Variants in CPA6 observed in about 807,000 individuals in gnomAD.
CPA6 encodes the protein carboxypeptidase A6, also known as carboxypeptidase B.
A neutral mutation model predicts 63.3 loss-of-function variants in CPA6; 58 were observed. The observed-to-expected ratio is 0.92, with a 90% CI of 0.74 to 1.14. The LOEUF is 1.14. CPA6 is among the 50% of genes most tolerant of loss of function. The pLI is 0.00. For synonymous variants in CPA6, 185 were observed against 179.0 expected, an observed-to-expected ratio of 1.03 and a Z score of -0.27; for missense variants, 565 against 526.6, an observed-to-expected ratio of 1.07 and a Z score of -0.71.
chr8:67,565,080 G>A (rs1339861987), intron 2 of CPA6, among the ~76,000 whole-genome samples: 4 of 152,238 alleles, frequency 2.6e-5, no homozygotes, highest in Admixed American at 2.0e-4. Context: ...AGCATGACCC[G>A]AAAACAAATA....
intron 1 of CPA6, among the ~76,000 whole-genome samples, chr8:67,630,709 G>C (rs1815305517): frequency 6.6e-6 from 1 of 152,230 alleles, no homozygotes; most frequent in South Asian, 2.1e-4. Context: ...CCCTCTGCTT[G>C]AGGGGATGTG....
At chr8:67,592,715 A>T (rs200157034) in intron 2 of CPA6, among the ~76,000 whole-genome samples, 87 of 152,080 alleles carry the variant, frequency 5.7e-4, no homozygotes, top group African/African-American at 1.7e-3. Flanking sequence ...TTTGTATTTC[A>T]GTGGGATTGG....
At chr8:67,516,444 AC>A (rs1812146326) in intron 3 of CPA6, among the ~76,000 whole-genome samples, 1 of 151,994 alleles carries the variant, frequency 6.6e-6, no homozygotes, top group Admixed American at 6.6e-5. Flanking sequence ...CTACAAATAC[AC>A]CAAGATTTCC....
At chr8:67,617,145 G>A (rs901928380) in intron 2 of CPA6, among the ~76,000 whole-genome samples, 3 of 152,212 alleles carry the variant, frequency 2.0e-5, no homozygotes, top group African/African-American at 7.2e-5. Flanking sequence ...TGTCAATTCA[G>A]TTGAGTAAAT....
intron 1 of CPA6, among the ~76,000 whole-genome samples, chr8:67,668,951 G>T (rs1468351141): frequency 1.3e-5 from 2 of 152,184 alleles, no homozygotes; most frequent in Non-Finnish European, 2.9e-5. Context: ...ATGCTCGCCT[G>T]CAGGTAGCTA....
chr8:67,593,345 A>G (rs1322860937), intron 2 of CPA6, among the ~76,000 whole-genome samples: 2 of 151,748 alleles, frequency 1.3e-5, no homozygotes, highest in African/African-American at 4.8e-5. Context: ...GTGGTGCTGA[A>G]AAAAATGTAT....
At chr8:67,583,942 G>T (rs1304081959) in intron 2 of CPA6, among the ~76,000 whole-genome samples, 1 of 152,046 alleles carries the variant, frequency 6.6e-6, no homozygotes, top group Non-Finnish European at 1.5e-5. Flanking sequence ...AGGATCATGA[G>T]GTCAGGAGAT....
intron 2 of CPA6, among the ~76,000 whole-genome samples, chr8:67,525,700 C>T (rs1812345934): frequency 6.6e-6 from 1 of 152,170 alleles, no homozygotes; most frequent in Non-Finnish European, 1.5e-5. Flanking sequence ...CATCACCAAC[C>T]TGAAATGATT....
chr8:67,622,992 G>C lies in CPA6; in HGVS notation c.192+1184C>G, dbSNP rs559856593. 1.2e-4 allele frequency among the ~76,000 whole-genome samples: 18 copies of C among 152,348 alleles called. No individual in the cohort carries two copies. In the South Asian group the frequency reaches 3.7e-3, roughly 32 times the overall value. Reference sequence around the variant, plus strand: ...AATTGTATGCACTGATGGAGTTACAGAAATGCTCTAACTCTAAAATCCATA... The same window carrying C: ...AATTGTATGCACTGATGGAGTTACACAAATGCTCTAACTCTAAAATCCATA... On this transcript the variant is annotated intron_variant, in intron 2 of 10. Transcript: ENST00000297770.
intron 2 of CPA6, among the ~76,000 whole-genome samples, chr8:67,550,228 T>C (rs531853625): frequency 2.2e-4 from 34 of 152,266 alleles, no homozygotes; most frequent in African/African-American, 7.0e-4. Flanking sequence ...CCAGTGTCCA[T>C]TGTTGTCATC....
intron 8 of CPA6, among the ~76,000 whole-genome samples, chr8:67,464,190 A>T (rs1563962876): frequency 6.6e-6 from 1 of 151,958 alleles, no homozygotes; most frequent in Non-Finnish European, 1.5e-5. Flanking sequence ...TTTTATTATT[A>T]TTTTTTAATA....
chr8:67,502,052 A>T (rs1811839449), intron 6 of CPA6, among the ~76,000 whole-genome samples: 1 of 152,092 alleles, frequency 6.6e-6, no homozygotes, highest in Admixed American at 6.6e-5. Context: ...TCCCTTATTA[A>T]CCTTTTTTAT....
intron 2 of CPA6, among the ~76,000 whole-genome samples, chr8:67,538,766 T>C (rs1487041179): frequency 6.6e-6 from 1 of 152,022 alleles, no homozygotes; most frequent in Non-Finnish European, 1.5e-5. Flanking sequence ...TTCATGCCAT[T>C]CTCCTGCCTC....
At chr8:67,596,927 A>G (rs1356843418) in intron 2 of CPA6, among the ~76,000 whole-genome samples, 1 of 152,184 alleles carries the variant, frequency 6.6e-6, no homozygotes, top group Non-Finnish European at 1.5e-5. Context: ...TGGCAGGAAT[A>G]TTACAAAGTG....
chr8:67,509,560 G>C lies in CPA6; in HGVS notation c.491C>G (p.Ser164Cys), dbSNP rs267601975. Reference sequence around the variant, plus strand: ...TCTTCCCTCATATGATCTTCCAATAGAGAACATGTGAATGAGGCCTGAGTG... The same window carrying C: ...TCTTCCCTCATATGATCTTCCAATACAGAACATGTGAATGAGGCCTGAGTG... Reference protein sequence around the residue: ...KTHSGLIHMFSIGRSYEGRSL... With the variant: ...KTHSGLIHMFCIGRSYEGRSL... Residue 164 changes from serine to cysteine, a missense_variant, in exon 5 of 11, where the codon TCT becomes TGT. Ser to Cys is a moderately radical substitution (Grantham distance 112, BLOSUM62 -1). Coordinates refer to ENST00000297770, the MANE Select transcript of CPA6 (RefSeq NM_020361.5). The C allele has an allele frequency of 1.3e-6, 2 of 1,597,902 alleles. No homozygotes were observed. Among genetic ancestry groups the C allele is most frequent in the Non-Finnish European group, 1.7e-6 (2 of 1,169,516 alleles).
chr8:67,465,972 G>T (rs1810915646), intron 8 of CPA6, among the ~76,000 whole-genome samples: 1 of 151,816 alleles, frequency 6.6e-6, no homozygotes, highest in Admixed American at 6.6e-5. Context: ...GCTTCATAGA[G>T]TAAGTTAGGG....
chr8:67,455,663 C>CAAAAAAAAAAAA lies in CPA6; in HGVS notation c.839-21435_839-21424dup, dbSNP rs552041509. ...TAGTGAAGCCCCTTCTCTACAAAAG[C>CAAAAAAAAAAAA]AAAAAAAAAAAAAAAAAAAAAAAAA... On this transcript the variant is annotated intron_variant, in intron 8 of 10. Coordinates refer to ENST00000297770, the MANE Select transcript of CPA6 (RefSeq NM_020361.5). 1.5e-3 allele frequency among the ~76,000 whole-genome samples: 44 copies of CAAAAAAAAAAAA among 30,256 alleles called. 3 individuals carry two copies. Among genetic ancestry groups the CAAAAAAAAAAAA allele is most frequent in the African/African-American group, 3.7e-3 (24 of 6,408 alleles). 19.8% of individuals were successfully genotyped at this position (30,256 alleles called of 152,430 possible). A position where few individuals can be genotyped will look rare whatever the true frequency, so the allele number is the denominator to read the frequency against.
At chr8:67,599,547 A>G (rs1417811532) in intron 2 of CPA6, among the ~76,000 whole-genome samples, 1 of 152,110 alleles carries the variant, frequency 6.6e-6, no homozygotes, top group Admixed American at 6.6e-5. Context: ...ATTATAATCA[A>G]CTATTGTTTC....
At chr8:67,560,495 AG>A (rs935144703) in intron 2 of CPA6, among the ~76,000 whole-genome samples, 1 of 152,184 alleles carries the variant, frequency 6.6e-6, no homozygotes, top group African/African-American at 2.4e-5. Flanking sequence ...TTCCCGTGAT[AG>A]GGAAAACCTT....
Sources: gnomAD v4.1 joint callset for allele counts (sites outside exome capture counted in the v4.1 genomes callset) on GRCh38, gnomAD v4.1.1 for gene constraint, MANE v1.5 for transcripts, NCBI Gene and HGNC (gene_info 2026-07-23, HGNC 2026-07-21) for gene names.